Variants in KY observed in about 807,000 individuals in gnomAD.
KY encodes kyphoscoliosis peptidase.
Under a neutral mutation model 76.1 loss-of-function variants are expected in KY, and 43 were observed. The observed-to-expected ratio is 0.57, with a 90% CI of 0.44 to 0.73. The LOEUF is 0.73. Ranked by LOEUF, KY falls within the 30% of genes least tolerant of loss-of-function variation. The pLI is 0.00. For missense variants in KY, 722 were observed against 828.9 expected, an observed-to-expected ratio of 0.87 and a Z score of 1.58; for synonymous variants, 277 against 326.2, an observed-to-expected ratio of 0.85 and a Z score of 1.63.
chr3:134,644,716 C>T (rs374275738), intron 2 of KY, among the ~76,000 whole-genome samples: 6 of 152,198 alleles, frequency 3.9e-5, no homozygotes, highest in African/African-American at 1.4e-4. Flanking sequence ...TCAGTGGTTC[C>T]CGTGCCTGGG....
intron 3 of KY, among the ~76,000 whole-genome samples, chr3:134,629,904 G>A (rs1963996320): frequency 6.6e-6 from 1 of 152,194 alleles, no homozygotes; most frequent in African/African-American, 2.4e-5. Context: ...AGCACACTCA[G>A]CCCTGTCTCT....
At chr3:134,606,359 C>A (rs1271817240) in intron 10 of KY, among the ~76,000 whole-genome samples, 2 of 152,164 alleles carry the variant, frequency 1.3e-5, no homozygotes, top group African/African-American at 2.4e-5. Flanking sequence ...TCCTGCCTCG[C>A]CAGTATCAAG....
At chr3:134,640,474 T>G (rs930285976) in intron 3 of KY, among the ~76,000 whole-genome samples, 1 of 152,112 alleles carries the variant, frequency 6.6e-6, no homozygotes, top group African/African-American at 2.4e-5. Flanking sequence ...TGAGAGGGGC[T>G]TAGCTTAATA....
At chr3:134,630,960 A>C (rs1964136572) in intron 3 of KY, among the ~76,000 whole-genome samples, 1 of 152,220 alleles carries the variant, frequency 6.6e-6, no homozygotes, top group South Asian at 2.1e-4. Flanking sequence ...TATAGTTAAA[A>C]ATTCTCTGGA....
chr3:134,607,210 A>G (rs2107751487), intron 10 of KY: 1 of 985,482 alleles, frequency 1.0e-6, no homozygotes, highest in Non-Finnish European at 1.2e-6. Context: ...TGGATTCTCA[A>G]ATTGAGCAAC....
intron 2 of KY, among the ~76,000 whole-genome samples, chr3:134,643,926 G>C (rs1367466403): frequency 6.6e-6 from 1 of 151,016 alleles, no homozygotes; most frequent in Non-Finnish European, 1.5e-5. Context: ...TCCTGGGTTC[G>C]TGCCATTCTC....
rs533096447 is a variant in KY at position 134,650,449 on chromosome 3, G to T, written c.136+376C>A. Among the ~76,000 whole-genome samples the T allele has an allele frequency of 2.2e-4, 34 of 152,258 alleles. 1 individual carries two copies. The highest frequency in any genetic ancestry group is 2.1e-4 in the South Asian group (1 of 4,826). ...CCCCTGTGCCCTGCAGTGTGCTGTG[G>T]GGGGGAGCAGGCCTCTGCTACCCAT... On this transcript the variant is annotated intron_variant, in intron 1 of 10. Coordinates refer to ENST00000423778, the MANE Select transcript of KY (RefSeq NM_178554.6).
chr3:134,635,864 A>T (rs894789481), intron 3 of KY, among the ~76,000 whole-genome samples: 1 of 152,270 alleles, frequency 6.6e-6, no homozygotes, highest in Non-Finnish European at 1.5e-5. Context: ...CTTCATTTCC[A>T]CATTTAAAAA....
At chr3:134,627,561 G>A (rs1963623287) in intron 5 of KY, among the ~76,000 whole-genome samples, 195 bp downstream of exon 5, 1 of 152,190 alleles carries the variant, frequency 6.6e-6, no homozygotes, top group Admixed American at 6.5e-5. Context: ...TCTGGTGCAT[G>A]AGCTTTTTCC....
At position 134,610,297 on chromosome 3, in the gene KY, T is replaced by C; in HGVS notation, c.797A>G (p.Asp266Gly). 6.2e-7 allele frequency: 1 copy of C among 1,613,616 alleles called. No homozygotes were observed. Among genetic ancestry groups the C allele is most frequent in the South Asian group, 1.1e-5 (1 of 91,036 alleles). ...CAGGTACACAGCATTCCAGGCATGG[T>C]CAAACTCCCCCGAGAAGCTCTGCCC... ...QTGQSFSGEF[D>G]HAWNAVYLEG... Residue 266 changes from aspartate (D) to glycine (G), a missense_variant, in exon 9 of 11, where the codon GAC becomes GGC. Transcript: ENST00000423778.
chr3:134,642,349 A>T (rs1296034128), intron 3 of KY, among the ~76,000 whole-genome samples: 1 of 152,066 alleles, frequency 6.6e-6, no homozygotes, highest in Admixed American at 6.5e-5. Context: ...TAGGACATCA[A>T]CTCTCAGAGC....
rs1213205890 is a variant in KY at position 134,604,017 on chromosome 3, G to C, written c.1548C>G (p.His516Gln). 3.1e-6 allele frequency: 5 copies of C among 1,614,002 alleles called. No individual in the cohort carries two copies. The highest frequency in any genetic ancestry group is 2.2e-5 in the South Asian group (2 of 91,088). Residue 516 changes from histidine (H) to glutamine (Q), a missense_variant, in exon 11 of 11, where the codon CAC (histidine) becomes CAG (glutamine). By Grantham distance (24) the His-to-Gln change is conservative (BLOSUM62 0). Transcript: ENST00000423778. ...ETQRRYIFQL[H>Q]REKQTELKVQ... ...CTTTCAGCTCGGTCTGCTTCTCCCG[G>C]TGCAGCTGGAAGATGTAGCGCCGCT...
rs1959275233 is a variant in KY at position 134,606,884 on chromosome 3, T to G, written c.1090+1765A>C. 4 of 980,000 alleles carry G rather than the reference T, an allele frequency of 4.1e-6. No homozygotes were observed. In the South Asian group the frequency reaches 1.9e-4, roughly 46 times the overall value. 60.7% of individuals were successfully genotyped at this position (980,000 alleles called of 1,614,324 possible). ...CCTGGCAGCTTTCCAGCCCCTTATC[T>G]AGGTGCCCTCTTCCTTCCCTTCCTT... On this transcript the variant is annotated intron_variant, in intron 10 of 10. Transcript: ENST00000423778.
At chr3:134,606,899 T>C in intron 10 of KY, 1 of 984,870 alleles carries the variant, frequency 1.0e-6, no homozygotes, top group Non-Finnish European at 1.2e-6. Flanking sequence ...GCCCTCTTCC[T>C]TCCCTTCCTT....
intron 8 of KY, among the ~76,000 whole-genome samples, chr3:134,617,813 G>A (rs558583231): frequency 2.0e-5 from 3 of 152,280 alleles, no homozygotes; most frequent in Admixed American, 2.0e-4. Context: ...TGCAGAGGTG[G>A]TCAGGAAGGT....
intron 5 of KY, 22 bp from the exon 6 acceptor site, chr3:134,625,157 G>A (rs1351061035): frequency 6.3e-7 from 1 of 1,576,406 alleles, no homozygotes; most frequent in Non-Finnish European, 8.6e-7. Flanking sequence ...GGGCACCTTG[G>A]TCAGCAGCTG....
Position 134,641,976 on chromosome 3 carries a change from A to C in KY, c.262+1340T>G, listed in dbSNP as rs1000446874. ...AGCCATGTGCAGTTGAGTTCATTTTAGAGAAGCAACAGGACAGAGCATGGG... is the reference window on the plus strand; with the variant it reads ...AGCCATGTGCAGTTGAGTTCATTTTCGAGAAGCAACAGGACAGAGCATGGG... On this transcript the variant is annotated intron_variant, in intron 3 of 10. Coordinates refer to ENST00000423778, the MANE Select transcript of KY (RefSeq NM_178554.6). 2.6e-5 allele frequency among the ~76,000 whole-genome samples: 4 copies of C among 152,192 alleles called. No individual in the cohort carries two copies. In the South Asian group the frequency reaches 8.3e-4, roughly 31 times the overall value.
intron 4 of KY, chr3:134,629,266 A>G (rs550237098): frequency 4.2e-6 from 1 of 239,192 alleles, no homozygotes; most frequent in East Asian, 8.6e-5. Context: ...TATACATCAA[A>G]AGGTTAAAAA....
chr3:134,646,847 T>C (rs1044210029), intron 2 of KY, among the ~76,000 whole-genome samples: 4 of 152,174 alleles, frequency 2.6e-5, no homozygotes, highest in African/African-American at 9.7e-5. Flanking sequence ...CCCTGGAGGC[T>C]GGGCTAATGA....
Sources: allele counts gnomAD v4.1 joint callset (sites outside exome capture counted in the v4.1 genomes callset), GRCh38; gene constraint gnomAD v4.1.1; transcripts MANE v1.5; gene names NCBI Gene and HGNC (gene_info 2026-07-23, HGNC 2026-07-21).